The following ART1 variants were observed in gnomAD, a reference collection of about 807,000 sequenced individuals.
ART1 encodes the protein GPI-linked NAD(P)(+)--arginine ADP-ribosyltransferase 1.
Under a neutral mutation model 27.0 loss-of-function variants are expected in ART1, and 29 were observed. The ratio of observed to expected loss-of-function variants is 1.08; its 90% CI spans 0.80 to 1.47. The LOEUF (loss-of-function observed/expected upper bound fraction) is 1.47, where lower values mean the gene tolerates loss of function less well. ART1 is among the 40% of genes most tolerant of loss of function. The probability of loss-of-function intolerance (pLI) is 0.00; values close to 1 mark genes in which losing one functional copy is unlikely to be tolerated. For synonymous variants in ART1, 201 were observed against 172.2 expected, an observed-to-expected ratio of 1.17 and a Z score of -1.31; for missense variants, 480 against 423.0, an observed-to-expected ratio of 1.13 and a Z score of -1.18.
rs35619488 is a variant in ART1 at position 3,659,896 on chromosome 11, C to T, written c.377C>T (p.Pro126Leu). 1 of 1,612,942 alleles carries T rather than the reference C, an allele frequency of 6.2e-7. No individual in the cohort carries two copies. Among genetic ancestry groups the T allele is most frequent in the South Asian group, 1.1e-5 (1 of 90,904 alleles). ...VALLAYTANS[P>L]LHKEFNAAVR... ...CTCCTGGCCTACACAGCCAACAGCC[C>T]CCTGCACAAGGAGTTCAATGCAGCC... The change falls in exon 3 of 5, where the codon CCC (proline) becomes CTC (leucine). Residue 126 changes from proline (P) to leucine (L), a missense_variant. Physicochemically the swap from Pro to Leu is moderately conservative, Grantham distance 98 (BLOSUM62 -3). Transcript: ENST00000250693.
intron 4 of ART1, 97 bp downstream of exon 4, chr11:3,661,510 T>TTTC: frequency 9.9e-7 from 1 of 1,007,908 alleles, no homozygotes; most frequent in Non-Finnish European, 1.4e-6. Context: ...TTTTTTTTTT[T>TTTC]TGAGACAGAG....
At chr11:3,645,438 G>C (rs2077464327) in intron 1 of ART1, among the ~76,000 whole-genome samples, 1 of 152,182 alleles carries the variant, frequency 6.6e-6, no homozygotes, top group Non-Finnish European at 1.5e-5. Flanking sequence ...GCTCCGAGCA[G>C]GATGAGAGGG....
rs1554883212 is a variant in ART1, at chr11:3,663,076, A to ATCTCATCTCATCTCATC, written c.887-1014_887-1013insTCATCTCATCTCATCTC. Among the ~76,000 whole-genome samples the ATCTCATCTCATCTCATC allele has an allele frequency of 3.2e-3, 235 of 74,590 alleles. 3 individuals carry two copies. The highest frequency in any genetic ancestry group is 6.0e-3 in the Middle Eastern group (1 of 166). 48.9% of individuals were successfully genotyped at this position (74,590 alleles called of 152,430 possible). A position where few individuals can be genotyped will look rare whatever the true frequency, so the allele number is the denominator to read the frequency against. On this transcript the variant is annotated intron_variant, in intron 4 of 4. Transcript: ENST00000250693. ...ATCTCATCTCATCTCATCTCATCTC[A>ATCTCATCTCATCTCATC]TCATCTCATCTCATCATCTCATCTC...
rs534320751 is a variant in ART1, at chr11:3,649,932, A to G, written c.-53+4753A>G. ...GTCAAAAGGCCACTTTATTCTCAAT[A>G]TACATTTTATTACCCAATCTGCTCC... On this transcript the variant is annotated intron_variant, in intron 1 of 4. Transcript: ENST00000250693. 7.0e-4 allele frequency among the ~76,000 whole-genome samples: 106 copies of G among 152,324 alleles called. 1 individual carries two copies. In the Middle Eastern group the frequency reaches 0.01, roughly 15 times the overall value.
At chr11:3,655,162 G>T (rs118175506) in intron 1 of ART1, among the ~76,000 whole-genome samples, 3 of 152,298 alleles carry the variant, frequency 2.0e-5, no homozygotes, top group Middle Eastern at 3.4e-3. Flanking sequence ...GCTCAGGTCT[G>T]TTCCTCACGT....
chr11:3,656,181 G>A (rs1401136485), intron 1 of ART1, among the ~76,000 whole-genome samples: 5 of 151,178 alleles, frequency 3.3e-5, no homozygotes, highest in Admixed American at 1.3e-4. Flanking sequence ...TGATCCACCC[G>A]CCTTGGCCTC....
intron 1 of ART1, among the ~76,000 whole-genome samples, chr11:3,656,359 T>C (rs993884911): frequency 7.6e-5 from 6 of 78,442 alleles, no homozygotes; most frequent in Non-Finnish European, 1.9e-4. Context: ...GCCTGGCTTA[T>C]TTATTTATTT....
chr11:3,657,308 C>T (rs559323929), intron 1 of ART1, among the ~76,000 whole-genome samples: 1 of 152,190 alleles, frequency 6.6e-6, no homozygotes, highest in Non-Finnish European at 1.5e-5. Context: ...GGAGCTGTGG[C>T]TCACGCCTGT....
intron 4 of ART1, 96 bp from the exon 5 acceptor site, chr11:3,663,996 C>T: frequency 8.8e-7 from 1 of 1,137,810 alleles, no homozygotes; most frequent in South Asian, 1.4e-5. Context: ...ATCTCTCCAC[C>T]TTGTATCTGC....
intron 1 of ART1, among the ~76,000 whole-genome samples, chr11:3,648,008 C>T (rs550637820): frequency 6.6e-6 from 1 of 152,138 alleles, no homozygotes; most frequent in Non-Finnish European, 1.5e-5. Flanking sequence ...ACAAACACAT[C>T]CAGATGGCCG....
At chr11:3,651,301 G>A (rs61878536) in intron 1 of ART1, among the ~76,000 whole-genome samples, 10 of 150,578 alleles carry the variant, frequency 6.6e-5, no homozygotes, top group Non-Finnish European at 8.8e-5. Flanking sequence ...CTGTACTGCC[G>A]CAAGGCTTCA....
chr11:3,659,330 C>T (rs1337964835), intron 2 of ART1, 54 bp downstream of exon 2: 2 of 1,608,960 alleles, frequency 1.2e-6, no homozygotes, highest in African/African-American at 2.7e-5. Context: ...CCATCGGCTT[C>T]TTCTGAACCC....
intron 1 of ART1, among the ~76,000 whole-genome samples, chr11:3,649,026 C>T (rs1209343644): frequency 6.8e-6 from 1 of 147,494 alleles, no homozygotes; most frequent in Non-Finnish European, 1.5e-5. Context: ...CGTGCCCCGA[C>T]CTCTTATCTC....
Position 3,653,342 on chromosome 11 carries a change from A to T in ART1, c.-52-5820A>T, listed in dbSNP as rs1050914417. 1.3e-5 allele frequency among the ~76,000 whole-genome samples: 2 copies of T among 148,272 alleles called. 1 individual carries two copies. Among genetic ancestry groups the T allele is most frequent in the African/African-American group, 5.2e-5 (2 of 38,174 alleles). On this transcript the variant is annotated intron_variant, in intron 1 of 4. Coordinates refer to ENST00000250693, the MANE Select transcript of ART1 (RefSeq NM_004314.3). Reference sequence around the variant, plus strand: ...ACATTCCACCACAAAAGAAGTGAAAATGGCCGGTTCCTGCCTTAACTGATG... The same window carrying T: ...ACATTCCACCACAAAAGAAGTGAAATTGGCCGGTTCCTGCCTTAACTGATG...
chr11:3,651,092 CA>C (rs1047156685), intron 1 of ART1, among the ~76,000 whole-genome samples: 5 of 151,974 alleles, frequency 3.3e-5, no homozygotes, highest in African/African-American at 1.2e-4. Flanking sequence ...CCTTATCAAC[CA>C]AATTGTTTTG....
At position 3,651,567 on chromosome 11, in the gene ART1, C is replaced by A. The variant is rs111875759; in HGVS notation, c.-53+6388C>A. Among the ~76,000 whole-genome samples, 384 of 150,608 alleles carry A rather than the reference C, an allele frequency of 2.5e-3. 1 individual carries two copies. Among genetic ancestry groups the A allele is most frequent in the African/African-American group, 8.7e-3 (348 of 40,216 alleles). ...CTTGCCCTTACGTTTTAGCCTAGCC[C>A]TCATGTCTGCGTGCAGCGGCTGCCG... On this transcript the variant is annotated intron_variant, in intron 1 of 4. Coordinates refer to ENST00000250693, the MANE Select transcript of ART1 (RefSeq NM_004314.3).
chr11:3,655,199 A>G (rs1025628920), intron 1 of ART1, among the ~76,000 whole-genome samples: 2 of 152,158 alleles, frequency 1.3e-5, no homozygotes, highest in Admixed American at 6.5e-5. Flanking sequence ...CAGACTAAAG[A>G]AGAATCTTCC....
At chr11:3,649,351 G>T (rs1423929865) in intron 1 of ART1, among the ~76,000 whole-genome samples, 1 of 152,144 alleles carries the variant, frequency 6.6e-6, no homozygotes, top group East Asian at 1.9e-4. Flanking sequence ...TTTCCATCCT[G>T]CAAGATCTAA....
At chr11:3,651,652 A>T (rs930910697) in intron 1 of ART1, among the ~76,000 whole-genome samples, 4 of 151,758 alleles carry the variant, frequency 2.6e-5, no homozygotes, top group Non-Finnish European at 5.9e-5. Context: ...CACTCTTCAC[A>T]TTTCTCATAA....
Sources: gnomAD v4.1 joint callset for allele counts (sites outside exome capture counted in the v4.1 genomes callset) on GRCh38, gnomAD v4.1.1 for gene constraint, MANE v1.5 for transcripts, NCBI Gene and HGNC (gene_info 2026-07-23, HGNC 2026-07-21) for gene names.